SLC39A12: variants seen among roughly 807,000 people sequenced by gnomAD.
SLC39A12 encodes the protein zinc transporter ZIP12.
SLC39A12 carries 63 observed loss-of-function variants against 71.1 expected under a neutral mutation model. The observed-to-expected ratio is 0.89, with a 90% confidence interval of 0.72 to 1.09. The LOEUF is 1.09. Ranked by LOEUF, SLC39A12 falls within the 50% of genes least tolerant of loss-of-function variation. The probability of loss-of-function intolerance (pLI) is 0.00; values close to 1 mark genes in which losing one functional copy is unlikely to be tolerated. For missense variants in SLC39A12, 892 were observed against 812.6 expected (o/e 1.10, Z -1.19); for synonymous variants, 351 against 301.3 (o/e 1.16, Z -1.71).
intron 12 of SLC39A12, among the ~76,000 whole-genome samples, chr10:18,012,907 G>T (rs548942955): frequency 6.7e-6 from 1 of 150,122 alleles, no homozygotes; most frequent in South Asian, 2.1e-4. Flanking sequence ...CTGCAAAAAT[G>T]GATTTGTTTG....
intron 7 of SLC39A12, among the ~76,000 whole-genome samples, chr10:17,989,379 G>A (rs1835482831): frequency 1.3e-5 from 2 of 152,186 alleles, no homozygotes; most frequent in Admixed American, 6.5e-5. Flanking sequence ...AATATTTCAG[G>A]GCTTATGACT....
chr10:17,972,847 T>C (rs893239123), intron 4 of SLC39A12, among the ~76,000 whole-genome samples: 1 of 152,120 alleles, frequency 6.6e-6, no homozygotes, highest in Non-Finnish European at 1.5e-5. Flanking sequence ...AATATTATTA[T>C]TGATAAGTGA....
chr10:17,966,644 G>A (rs1369039481), intron 4 of SLC39A12, among the ~76,000 whole-genome samples: 10 of 151,952 alleles, frequency 6.6e-5, no homozygotes, highest in Non-Finnish European at 1.2e-4. Context: ...TCATTATCAC[G>A]AGTAAAAAAT....
At chr10:18,036,629 G>A (rs769922119) in intron 12 of SLC39A12, among the ~76,000 whole-genome samples, 57 of 151,586 alleles carry the variant, frequency 3.8e-4, no homozygotes, top group Non-Finnish European at 8.0e-4. Context: ...CACGCTGGGA[G>A]CTGTAGACCG....
At chr10:18,003,105 C>A in intron 11 of SLC39A12, 66 bp from the exon 12 acceptor site, 7 of 1,453,414 alleles carry the variant, frequency 4.8e-6, no homozygotes, top group Non-Finnish European at 6.6e-6. Context: ...GCTAATAGTG[C>A]GTTACTTTAG....
At chr10:18,039,262 A>G (rs1391780996) in intron 12 of SLC39A12, among the ~76,000 whole-genome samples, 1 of 152,184 alleles carries the variant, frequency 6.6e-6, no homozygotes. Flanking sequence ...ATCTTATTCC[A>G]TATTTGGAAA....
intron 2 of SLC39A12, among the ~76,000 whole-genome samples, chr10:17,954,967 G>A (rs1354381087): frequency 6.6e-6 from 1 of 152,080 alleles, no homozygotes; most frequent in Non-Finnish European, 1.5e-5. Context: ...GGTTCCCAGA[G>A]GAAATGTGTT....
chr10:17,993,665 G>A (rs1835612945), intron 9 of SLC39A12, among the ~76,000 whole-genome samples: 1 of 152,172 alleles, frequency 6.6e-6, no homozygotes, highest in African/African-American at 2.4e-5. Context: ...GTGGAGCAAG[G>A]GATTACTTAG....
Position 17,978,064 on chromosome 10 carries a change from C to T in SLC39A12, c.914C>T (p.Ser305Phe), listed in dbSNP as rs1835159676. 3 of 1,584,618 alleles carry T rather than the reference C, an allele frequency of 1.9e-6. No homozygotes were observed. The East Asian group carries it at 6.9e-5, about 37-fold the overall frequency. ...AAAGAGTCTGAGGATGGTCCAGTTT[C>T]CTGGGATCAGGTATTGCCATTGTTT... ...MEKESEDGPVSWDQTCFSARQ... is the reference protein window; with the variant it reads ...MEKESEDGPVFWDQTCFSARQ... The change falls in exon 5 of 13, where the codon TCC becomes TTC. Residue 305 changes from serine (S) to phenylalanine (F), a missense_variant. Physicochemically the swap from Ser to Phe is radical, Grantham distance 155 (BLOSUM62 -2). Transcript: ENST00000377369.
At chr10:18,031,676 T>G (rs1236494846) in intron 12 of SLC39A12, among the ~76,000 whole-genome samples, 21 of 126,190 alleles carry the variant, frequency 1.7e-4, no homozygotes, top group Admixed American at 3.4e-4. Context: ...GTCAATTTTG[T>G]CTTTTGTTGC....
intron 11 of SLC39A12, 100 bp from the exon 12 acceptor site, chr10:18,003,071 G>C: frequency 9.8e-7 from 1 of 1,023,714 alleles, no homozygotes; most frequent in Admixed American, 2.3e-5. Context: ...TATAAAATTG[G>C]TTCCAGTGCT....
chr10:17,966,915 G>A (rs142688021), intron 4 of SLC39A12, among the ~76,000 whole-genome samples: 2,047 of 151,876 alleles, frequency 0.013, 40 homozygotes, highest in African/African-American at 0.043. Flanking sequence ...CAGAGGTTGC[G>A]GTATGTCGAG....
At chr10:18,038,705 G>A (rs1837134311) in intron 12 of SLC39A12, among the ~76,000 whole-genome samples, 1 of 152,036 alleles carries the variant, frequency 6.6e-6, no homozygotes, top group Admixed American at 6.6e-5. Context: ...GACATGTTTT[G>A]GATTTAGTCA....
chr10:18,003,328 G>A lies in SLC39A12; in HGVS notation c.1917G>A (p.Gly639=). 6.2e-7 allele frequency: 1 copy of A among 1,613,008 alleles called. No individual in the cohort carries two copies. The change falls in exon 12 of 13, where the codon GGG becomes GGA. Residue 639 remains glycine (G), a synonymous_variant. Transcript: ENST00000377369. ...ACTGGATCTTCACAGTCACTGCTGGGATGTTCTTATATTTATCCTTGGTTG... is the reference window on the plus strand; with the variant it reads ...ACTGGATCTTCACAGTCACTGCTGGAATGTTCTTATATTTATCCTTGGTTG... ...VQDWIFTVTA[G]MFLYLSLVEM...
intron 7 of SLC39A12, among the ~76,000 whole-genome samples, chr10:17,988,196 T>G (rs1835453439): frequency 6.6e-6 from 1 of 152,182 alleles, no homozygotes; most frequent in South Asian, 2.1e-4. Flanking sequence ...TAATCCTAGC[T>G]ACTCGGGAGG....
chr10:18,036,746 T>TTATATATA (rs1195629854), intron 12 of SLC39A12, among the ~76,000 whole-genome samples: 33 of 37,452 alleles, frequency 8.8e-4, no homozygotes, highest in Admixed American at 1.2e-3. Flanking sequence ...ATTTTAAAAA[T>TTATATATA]TATATATATA....
At chr10:17,990,666 T>C (rs1835519933) in intron 7 of SLC39A12, among the ~76,000 whole-genome samples, 1 of 152,214 alleles carries the variant, frequency 6.6e-6, no homozygotes, top group South Asian at 2.1e-4. Context: ...GAACAAGTTC[T>C]TCACGGTGGA....
Position 18,003,475 on chromosome 10 carries a change from A to G in SLC39A12, c.1947+117A>G, listed in dbSNP as rs1018664982. 5.3e-6 allele frequency: 5 copies of G among 937,368 alleles called. No homozygotes were observed. In the Admixed American group the frequency reaches 1.1e-4, roughly 20 times the overall value. 58.1% of individuals were successfully genotyped at this position (937,368 alleles called of 1,614,324 possible). On this transcript the variant is annotated intron_variant, in intron 12 of 12. Coordinates refer to ENST00000377369, the MANE Select transcript of SLC39A12 (RefSeq NM_001145195.2). The stretch of plus-strand genomic sequence containing the variant: ...AGAACAGAAGAATTTATAAAACAAT[A>G]TAAACCATTAAGGAATATTCTTTGT...
At chr10:18,018,695 T>C (rs1836450582) in intron 12 of SLC39A12, among the ~76,000 whole-genome samples, 1 of 152,190 alleles carries the variant, frequency 6.6e-6, no homozygotes, top group Non-Finnish European at 1.5e-5. Context: ...GATATCCAAA[T>C]GTTGAATCAG....
Sources: allele counts gnomAD v4.1 joint callset (sites outside exome capture counted in the v4.1 genomes callset), GRCh38; gene constraint gnomAD v4.1.1; transcripts MANE v1.5; gene names NCBI Gene and HGNC (gene_info 2026-07-23, HGNC 2026-07-21).